The following PECR variants were observed in gnomAD, a reference collection of about 807,000 sequenced individuals.
PECR encodes the protein 2,4-dienoyl-CoA reductase-related protein.
A neutral mutation model predicts 35.3 loss-of-function variants in PECR; 30 were observed. The ratio of observed to expected loss-of-function variants is 0.85; its 90% CI spans 0.64 to 1.15. The LOEUF is 1.15. PECR is among the 50% of genes most tolerant of loss of function. The pLI is 0.00. For missense variants in PECR, 392 were observed against 370.8 expected (o/e 1.06, Z -0.47); for synonymous variants, 148 against 138.9 (o/e 1.07, Z -0.46).
rs1175863319 is a variant in PECR at position 216,081,796 on chromosome 2, C to T, written c.-55G>A. 3.1e-6 allele frequency: 5 copies of T among 1,596,898 alleles called. No individual in the cohort carries two copies. Among genetic ancestry groups the T allele is most frequent in the Non-Finnish European group, 4.3e-6 (5 of 1,174,728 alleles). Reference sequence around the variant, plus strand: ...CGCAGGCCCTTCTGGGTCTCAGGGACATTCGAGGCGGGCGGGCGGACAGGG... The same window carrying T: ...CGCAGGCCCTTCTGGGTCTCAGGGATATTCGAGGCGGGCGGGCGGACAGGG... On this transcript the variant is annotated 5_prime_UTR_variant, in exon 1 of 8. The change abolishes an upstream ATG in the 5' untranslated region. Coordinates refer to ENST00000265322, the MANE Select transcript of PECR (RefSeq NM_018441.6).
intron 7 of PECR, among the ~76,000 whole-genome samples, chr2:216,041,721 A>G (rs917257847): frequency 6.6e-6 from 1 of 152,144 alleles, no homozygotes; most frequent in Non-Finnish European, 1.5e-5. Context: ...TACCCACCCC[A>G]CAACCTCTGG....
At chr2:216,079,150 GCTTT>G (rs1695771876) in intron 1 of PECR, among the ~76,000 whole-genome samples, 2 of 113,116 alleles carry the variant, frequency 1.8e-5, no homozygotes, top group African/African-American at 7.4e-5. Context: ...AAATGTTTTT[GCTTT>G]TTTTTTTTTT....
At chr2:216,064,758 G>C (rs1442889280) in intron 3 of PECR, among the ~76,000 whole-genome samples, 2 of 152,184 alleles carry the variant, frequency 1.3e-5, no homozygotes, top group Non-Finnish European at 2.9e-5. Context: ...TTGGCATGAA[G>C]ACCCTTTGAG....
intron 1 of PECR, among the ~76,000 whole-genome samples, chr2:216,067,580 C>T (rs181125205): frequency 0.012 from 1,837 of 149,924 alleles, 19 homozygotes; most frequent in Non-Finnish European, 0.019. Flanking sequence ...TTTTTTGAGA[C>T]GGAGTCTCAC....
chr2:216,039,931 T>C (rs1238705701), intron 7 of PECR, among the ~76,000 whole-genome samples: 3 of 152,222 alleles, frequency 2.0e-5, no homozygotes, highest in African/African-American at 2.4e-5. Flanking sequence ...TGATCGAATA[T>C]AGAGTGGATC....
intron 7 of PECR, among the ~76,000 whole-genome samples, chr2:216,043,088 C>CGTATGT (rs1559207915): frequency 0.012 from 1,712 of 137,952 alleles, 48 homozygotes; most frequent in Non-Finnish European, 0.02. Flanking sequence ...TATACACATA[C>CGTATGT]ATATATATGT....
chr2:216,063,100 T>G (rs1352089091), intron 3 of PECR, among the ~76,000 whole-genome samples: 4 of 151,858 alleles, frequency 2.6e-5, no homozygotes, highest in Non-Finnish European at 5.9e-5. Context: ...AAATACATAC[T>G]TTTTTTTAAC....
At chr2:216,067,050 G>A (rs1695480936) in intron 1 of PECR, among the ~76,000 whole-genome samples, 1 of 152,110 alleles carries the variant, frequency 6.6e-6, no homozygotes, top group Non-Finnish European at 1.5e-5. Context: ...TCAAACATGA[G>A]CCCTTGGATT....
At chr2:216,060,828 A>G (rs1187461770) in intron 3 of PECR, among the ~76,000 whole-genome samples, 1 of 152,176 alleles carries the variant, frequency 6.6e-6, no homozygotes, top group African/African-American at 2.4e-5. Context: ...AATGGGTTAG[A>G]AATACTGAAT....
intron 6 of PECR, among the ~76,000 whole-genome samples, chr2:216,045,255 C>T (rs938239424): frequency 6.6e-6 from 1 of 152,264 alleles, no homozygotes; most frequent in Admixed American, 6.5e-5. Context: ...CCTTGTATTC[C>T]CAGCAGCTAG....
intron 4 of PECR, among the ~76,000 whole-genome samples, chr2:216,052,671 G>A (rs1461537645): frequency 2.0e-5 from 3 of 152,148 alleles, no homozygotes; most frequent in Admixed American, 1.3e-4. Context: ...ATTATGATGT[G>A]CCTTGTACAC....
At chr2:216,041,303 A>G (rs1470666092) in intron 7 of PECR, among the ~76,000 whole-genome samples, 1 of 152,228 alleles carries the variant, frequency 6.6e-6, no homozygotes, top group Non-Finnish European at 1.5e-5. Flanking sequence ...TAGTGACTGA[A>G]GTCTACTGTG....
chr2:216,066,186 T>C (rs761922021), intron 2 of PECR, among the ~76,000 whole-genome samples, 199 bp downstream of exon 2: 1 of 152,158 alleles, frequency 6.6e-6, no homozygotes, highest in Non-Finnish European at 1.5e-5. Context: ...TGGACCACAT[T>C]CTTGCCTCCC....
chr2:216,047,740 T>C (rs932350498), intron 6 of PECR, among the ~76,000 whole-genome samples: 2 of 148,358 alleles, frequency 1.3e-5, no homozygotes, highest in Admixed American at 6.7e-5. Flanking sequence ...TTTCAAAACA[T>C]TTTTGGCAAT....
intron 2 of PECR, 151 bp from the exon 3 acceptor site, chr2:216,065,628 A>G (rs1055303007): frequency 4.5e-6 from 3 of 669,380 alleles, no homozygotes; most frequent in Non-Finnish European, 8.1e-6. Context: ...AGCAATGAAT[A>G]AGACTAAAAA....
chr2:216,033,895 A>C (rs1694750756), downstream of PECR: 1 of 152,220 alleles, frequency 6.6e-6, no homozygotes, highest in South Asian at 2.1e-4. Context: ...ATAAGATCCA[A>C]AATAGCCTAG....
At chr2:216,074,351 C>T (rs1179210711) in intron 1 of PECR, among the ~76,000 whole-genome samples, 1 of 151,956 alleles carries the variant, frequency 6.6e-6, no homozygotes, top group Non-Finnish European at 1.5e-5. Context: ...GGAGACTAAG[C>T]CACGAGAATT....
Position 216,081,650 on chromosome 2 carries a change from C to A in PECR, c.92G>T (p.Gly31Val). Residue 31 changes from glycine (G) to valine (V), a missense_variant, in exon 1 of 8, where the codon GGA (glycine) becomes GTA (valine). By Grantham distance (109) the Gly-to-Val change is moderately radical. Transcript: ENST00000265322. ...AIVTGGATGI[G>V]KAIVKELLEL... ...CAGGAGCTCCTTCACGATGGCTTTT[C>A]CGATGCCCGTGGCCCCGCCGGTGAC... 3 of 1,613,582 alleles carry A rather than the reference C, an allele frequency of 1.9e-6. No individual in the cohort carries two copies. Among genetic ancestry groups the A allele is most frequent in the Non-Finnish European group, 2.5e-6 (3 of 1,179,956 alleles).
chr2:216,064,778 T>A (rs1202183794), intron 3 of PECR, among the ~76,000 whole-genome samples: 1 of 152,186 alleles, frequency 6.6e-6, no homozygotes, highest in Non-Finnish European at 1.5e-5. Flanking sequence ...GATAGGGTTG[T>A]ACTTGTTCTG....
Sources: allele counts gnomAD v4.1 joint callset (sites outside exome capture counted in the v4.1 genomes callset), GRCh38; gene constraint gnomAD v4.1.1; transcripts MANE v1.5; gene names NCBI Gene and HGNC (gene_info 2026-07-23, HGNC 2026-07-21).